The following HECW1 variants were observed in gnomAD, a reference collection of about 807,000 sequenced individuals.
HECW1 encodes E3 ubiquitin-protein ligase HECW1.
A neutral mutation model predicts 182.3 loss-of-function variants in HECW1; 61 were observed. The observed-to-expected ratio is 0.33, with a 90% CI of 0.27 to 0.41. The LOEUF is 0.41. Ranked by LOEUF, HECW1 falls within the 10% of genes least tolerant of loss-of-function variation. The probability of loss-of-function intolerance (pLI) is 1.00; values close to 1 mark genes in which losing one functional copy is unlikely to be tolerated. For synonymous variants in HECW1, 859 were observed against 832.6 expected (o/e 1.03, Z -0.55); for missense variants, 1,739 against 2,108.9 (o/e 0.82, Z 3.44).
intron 5 of HECW1, 100 bp downstream of exon 5, chr7:43,320,842 G>A: frequency 1.2e-6 from 1 of 854,720 alleles, no homozygotes; most frequent in Non-Finnish European, 2.0e-6. Context: ...ACTAAGAAAT[G>A]GGCCCTCTAA....
chr7:43,238,365 T>C (rs1358716764), intron 2 of HECW1, among the ~76,000 whole-genome samples: 1 of 150,510 alleles, frequency 6.6e-6, no homozygotes, highest in Admixed American at 6.6e-5. Context: ...TGACTTCTCA[T>C]GTGACTTTTC....
At chr7:43,174,550 C>CGAG (rs947997499) in intron 2 of HECW1, among the ~76,000 whole-genome samples, 2 of 152,180 alleles carry the variant, frequency 1.3e-5, no homozygotes, top group African/African-American at 4.8e-5. Context: ...AGCCCCTGAG[C>CGAG]GAGGTTCTTG....
chr7:43,461,509 T>G (rs1459138125), intron 13 of HECW1, among the ~76,000 whole-genome samples: 1 of 152,248 alleles, frequency 6.6e-6, no homozygotes, highest in Non-Finnish European at 1.5e-5. Flanking sequence ...CAGTAGCAGC[T>G]GCCTTAGTCT....
intron 11 of HECW1, 134 bp downstream of exon 11, chr7:43,445,704 A>G (rs1393956773): frequency 9.2e-7 from 1 of 1,086,832 alleles, no homozygotes; most frequent in Middle Eastern, 2.7e-4. Context: ...CCTGTCTTGT[A>G]TATACATGTG....
chr7:43,315,125 A>T (rs1399698727), intron 4 of HECW1, among the ~76,000 whole-genome samples: 2 of 152,224 alleles, frequency 1.3e-5, no homozygotes, highest in Non-Finnish European at 2.9e-5. Context: ...CTGTTCTGAC[A>T]TAAGAGGGGG....
intron 17 of HECW1, among the ~76,000 whole-genome samples, chr7:43,488,418 G>GAA (rs1563045561): frequency 1.2e-5 from 1 of 84,914 alleles, no homozygotes; most frequent in East Asian, 3.1e-4. Context: ...GAAAGAGAGA[G>GAA]AGAGAAAGAA....
At position 43,469,093 on chromosome 7, in the gene HECW1, C is replaced by G; in HGVS notation, c.3087C>G (p.Asp1029Glu). The part of the protein sequence containing the change: ...ELPRGWEIKT[D>E]QQGKSFFVDH... ...CCCGGGGCTGGGAGATCAAAACGGA[C>G]CAGCAGGGAAAGGTGAGTGTGACCC... The change falls in exon 16 of 30, where the codon GAC becomes GAG. Residue 1029 changes from aspartate (D) to glutamate (E), a missense_variant. By Grantham distance (45) the Asp-to-Glu change is conservative (BLOSUM62 2). Around this residue, in one of 5 missense-constraint regions of HECW1, gnomAD observed 971 missense variants for 1,029.1 expected, o/e 0.94. Transcript: ENST00000395891. The G allele has an allele frequency of 6.2e-7, 1 of 1,613,846 alleles. No homozygotes were observed. The highest frequency in any genetic ancestry group is 1.1e-5 in the South Asian group (1 of 91,056).
At chr7:43,269,915 A>G (rs1802201120) in intron 3 of HECW1, among the ~76,000 whole-genome samples, 1 of 152,236 alleles carries the variant, frequency 6.6e-6, no homozygotes, top group African/African-American at 2.4e-5. Context: ...GACAACCGCC[A>G]TAACAAAGAA....
intron 10 of HECW1, among the ~76,000 whole-genome samples, chr7:43,443,981 C>CT (rs2076966356): frequency 6.6e-6 from 1 of 152,176 alleles, no homozygotes; most frequent in African/African-American, 2.4e-5. Flanking sequence ...GATGAATTCC[C>CT]TTTTTGAATC....
intron 2 of HECW1, among the ~76,000 whole-genome samples, chr7:43,201,145 C>T (rs1562666821): frequency 6.6e-6 from 1 of 152,194 alleles, no homozygotes; most frequent in Non-Finnish European, 1.5e-5. Context: ...ATCCATCACA[C>T]ACTGGTCCTT....
intron 6 of HECW1, among the ~76,000 whole-genome samples, chr7:43,384,056 G>A (rs1045808597): frequency 6.6e-6 from 1 of 152,150 alleles, no homozygotes; most frequent in Non-Finnish European, 1.5e-5. Flanking sequence ...CTCTGAGTTG[G>A]TGCTTTGTCT....
intron 3 of HECW1, among the ~76,000 whole-genome samples, chr7:43,252,855 A>G (rs1416526527): frequency 2.6e-5 from 4 of 152,258 alleles, no homozygotes; most frequent in Admixed American, 2.6e-4. Flanking sequence ...GGAAAAACTA[A>G]TTAAAGTCAA....
At chr7:43,540,122 T>C (rs911746418) in intron 24 of HECW1, among the ~76,000 whole-genome samples, 35 of 152,234 alleles carry the variant, frequency 2.3e-4, no homozygotes, top group African/African-American at 8.0e-4. Flanking sequence ...ATATATTTAT[T>C]CTGTGGAATC....
intron 24 of HECW1, among the ~76,000 whole-genome samples, chr7:43,531,193 C>G (rs1330112005): frequency 6.6e-6 from 1 of 152,232 alleles, no homozygotes; most frequent in Non-Finnish European, 1.5e-5. Context: ...AAACTAATTT[C>G]TATTCATTCT....
Position 43,462,484 on chromosome 7 carries a change from C to A in HECW1, c.2652-1176C>A, listed in dbSNP as rs572855398. Reference sequence around the variant, plus strand: ...ATCACCTGGGAACTCATCAGAAATGCACATTCTGGAAAAAAAAAAGAGAAA... The same window carrying A: ...ATCACCTGGGAACTCATCAGAAATGAACATTCTGGAAAAAAAAAAGAGAAA... On this transcript the variant is annotated intron_variant, in intron 13 of 29. Transcript: ENST00000395891. Among the ~76,000 whole-genome samples, 8 of 151,874 alleles carry A rather than the reference C, an allele frequency of 5.3e-5. No individual in the cohort carries two copies. The South Asian group carries it at 1.5e-3, about 28-fold the overall frequency.
intron 3 of HECW1, among the ~76,000 whole-genome samples, chr7:43,304,457 CAGTTATTT>C (rs1807274868): frequency 6.9e-6 from 1 of 145,452 alleles, no homozygotes; most frequent in Non-Finnish European, 1.5e-5. Flanking sequence ...TCATTCAACA[CAGTTATTT>C]ATTTATTTAT....
At chr7:43,338,378 C>G (rs1351022451) in intron 5 of HECW1, among the ~76,000 whole-genome samples, 1 of 152,126 alleles carries the variant, frequency 6.6e-6, no homozygotes, top group Non-Finnish European at 1.5e-5. Context: ...TTTTATTAGT[C>G]TTTTCAAAGA....
intron 8 of HECW1, among the ~76,000 whole-genome samples, chr7:43,419,429 A>G (rs2076112660): frequency 6.6e-6 from 1 of 152,252 alleles, no homozygotes; most frequent in Admixed American, 6.5e-5. Flanking sequence ...TGTATTTTGT[A>G]GCATTTTTAT....
At chr7:43,488,667 C>A (rs1278758740) in intron 17 of HECW1, among the ~76,000 whole-genome samples, 1 of 152,170 alleles carries the variant, frequency 6.6e-6, no homozygotes, top group East Asian at 1.9e-4. Context: ...TTCAAACAGA[C>A]CCTCGGAATT....
Sources: allele counts gnomAD v4.1 joint callset (sites outside exome capture counted in the v4.1 genomes callset), GRCh38; gene constraint gnomAD v4.1.1; regional missense constraint gnomAD v4.1.1; transcripts MANE v1.5; gene names NCBI Gene and HGNC (gene_info 2026-07-23, HGNC 2026-07-21).